TOP1: variants seen among roughly 807,000 people sequenced by gnomAD.
TOP1 encodes DNA topoisomerase 1.
In TOP1, 10 loss-of-function variants were observed where a neutral mutation model predicts 111.1. The observed-to-expected ratio is 0.09, with a 90% confidence interval of 0.06 to 0.15. The LOEUF is 0.15. Among genes scored for constraint, TOP1 ranks in the 10% least tolerant of loss-of-function variants. TOP1 has a pLI of 1.00. For synonymous variants in TOP1, 271 were observed against 302.9 expected (o/e 0.89, Z 1.10); for missense variants, 474 against 926.7 (o/e 0.51, Z 6.34).
At position 41,032,595 on chromosome 20, in the gene TOP1, G is replaced by C. The variant is rs1212160526; in HGVS notation, c.58+3140G>C. 6.6e-6 allele frequency among the ~76,000 whole-genome samples: 1 copy of C among 152,182 alleles called. No homozygotes were observed. The highest frequency in any genetic ancestry group is 1.5e-5 in the Non-Finnish European group (1 of 68,036). ...TTTGCCTGTCTGCTATGGAGATAGG[G>C]AGTTCTCCCCCATTTGACCCCCTTA... On this transcript the variant is annotated intron_variant, in intron 2 of 20. Transcript: ENST00000361337. This position sits in a 1 kb window ranked among gnomAD's most constrained non-coding sequence, Gnocchi z 4.3.
rs750868062 is a variant in TOP1, at chr20:41,112,890, C to A, written c.1417C>A (p.Arg473=). The A allele has an allele frequency of 6.2e-7, 1 of 1,614,200 alleles. No individual in the cohort carries two copies. The highest frequency in any genetic ancestry group is 8.5e-7 in the Non-Finnish European group (1 of 1,180,024). ...CTGGAAGTCCAAAGAGATGAAAGTC[C>A]GGCAGAGAGCTGTAGCCCTGTACTT... ...EDWKSKEMKV[R]QRAVALYFID... is the part of the protein sequence containing the mutation. The change falls in exon 14 of 21, where the codon CGG becomes AGG. Residue 473 remains arginine, a synonymous_variant. Transcript: ENST00000361337. This position sits in a 1 kb window ranked among gnomAD's most constrained non-coding sequence, Gnocchi z 5.8.
Position 41,115,436 on chromosome 20 carries a change from C to T in TOP1, c.1704C>T (p.Leu568=). The T allele has an allele frequency of 6.2e-7, 1 of 1,610,866 alleles. No homozygotes were observed. The highest frequency in any genetic ancestry group is 1.3e-5 in the African/African-American group (1 of 74,910). Residue 568 remains leucine, a synonymous_variant, in exon 16 of 21, where the codon CTC becomes CTT. Transcript: ENST00000361337. The surrounding 1 kb of genome is among the most constrained non-coding windows in gnomAD (Gnocchi z 6.3). ...CCGAGGATGATCTTTTTGATAGACT[C>T]AATGTGAGTAGATGAAGCACACAAT... The part of the protein sequence containing the change: ...KQPEDDLFDR[L]NTGILNKHLQ...
In TOP1 at chr20:41,118,421, T is replaced by G; in HGVS notation, c.1950+125T>G. The G allele has an allele frequency of 9.3e-7, 1 of 1,074,040 alleles. No homozygotes were observed. The highest frequency in any genetic ancestry group is 1.8e-5 in the South Asian group (1 of 57,058). 66.5% of individuals were successfully genotyped at this position (1,074,040 alleles called of 1,614,324 possible). A position where few individuals can be genotyped will look rare whatever the true frequency, so the allele number is the denominator to read the frequency against. Reference sequence around the variant, plus strand: ...TGTTGTAGAAGGTCTATGCTAAAGATAAACAAATGGAAATATGATAGTAGT... The same window carrying G: ...TGTTGTAGAAGGTCTATGCTAAAGAGAAACAAATGGAAATATGATAGTAGT... On this transcript the variant is annotated intron_variant, in intron 18 of 20. Transcript: ENST00000361337. This position sits in a 1 kb window ranked among gnomAD's most constrained non-coding sequence, Gnocchi z 4.6.
chr20:41,052,495 C>T (rs2033417796), intron 2 of TOP1, among the ~76,000 whole-genome samples: 1 of 152,130 alleles, frequency 6.6e-6, no homozygotes, highest in African/African-American at 2.4e-5. Flanking sequence ...TGACCTTGTA[C>T]TTGGTTTCCA....
At chr20:41,111,579 G>A (rs1002803457) in intron 13 of TOP1, among the ~76,000 whole-genome samples, 10 of 141,768 alleles carry the variant, frequency 7.1e-5, no homozygotes, top group South Asian at 2.2e-4. Context: ...GGCTGGTTGC[G>A]CCCCCACCCC....
rs968577482 is a variant in TOP1 at position 41,029,523 on chromosome 20, G to T, written c.58+68G>T. On this transcript the variant is annotated intron_variant, in intron 2 of 20. Transcript: ENST00000361337. The surrounding 1 kb of genome is among the most constrained non-coding windows in gnomAD (Gnocchi z 6.1). ...CGGCCGCCTCCCCCGCGCCCTGCCG[G>T]TGCCGGGCAGAGGACAGACATGGCG... 27 of 1,303,654 alleles carry T rather than the reference G, an allele frequency of 2.1e-5. No individual in the cohort carries two copies. Among genetic ancestry groups the T allele is most frequent in the Non-Finnish European group, 1.9e-5 (18 of 925,030 alleles). The allele number at this position is 1,303,654 out of a possible 1,614,324, so 80.8% of individuals were successfully genotyped here. A position where few individuals can be genotyped will look rare whatever the true frequency, so the allele number is the denominator to read the frequency against.
rs2145953406 is a variant in TOP1 at position 41,101,589 on chromosome 20, G to A, written c.1308+236G>A. Among the ~76,000 whole-genome samples the A allele has an allele frequency of 6.6e-6, 1 of 152,290 alleles. No homozygotes were observed. Among genetic ancestry groups the A allele is most frequent in the South Asian group, 2.1e-4 (1 of 4,816 alleles). ...AAATATTTACTGAAATCCCAAATGT[G>A]CCCCACACAGTATACATTTGATGCT... On this transcript the variant is annotated intron_variant, in intron 13 of 20. Transcript: ENST00000361337. This position sits in a 1 kb window ranked among gnomAD's most constrained non-coding sequence, Gnocchi z 4.1.
rs148933531 is a variant in TOP1 at position 41,052,821 on chromosome 20, T to G, written c.59-8573T>G. Among the ~76,000 whole-genome samples, 3 of 152,200 alleles carry G rather than the reference T, an allele frequency of 2.0e-5. No individual in the cohort carries two copies. The East Asian group carries it at 5.8e-4, about 29-fold the overall frequency. On this transcript the variant is annotated intron_variant, in intron 2 of 20. Transcript: ENST00000361337. ...GCCTGGTAAACATGCTGAAACCCTA[T>G]CTCTACAAAAATACAAAAATTAGCT...
At chr20:41,055,983 T>C (rs907910619) in intron 2 of TOP1, among the ~76,000 whole-genome samples, 1 of 152,194 alleles carries the variant, frequency 6.6e-6, no homozygotes, top group African/African-American at 2.4e-5. Flanking sequence ...GTTTCAAGCA[T>C]ACACATAGAG....
At position 41,080,922 on chromosome 20, in the gene TOP1, C is replaced by G. The variant is rs2033781660; in HGVS notation, c.432-243C>G. Among the ~76,000 whole-genome samples, 1 of 151,950 alleles carries G rather than the reference C, an allele frequency of 6.6e-6. No homozygotes were observed. The highest frequency in any genetic ancestry group is 2.4e-5 in the African/African-American group (1 of 41,346). On this transcript the variant is annotated intron_variant, in intron 6 of 20. Transcript: ENST00000361337. This position sits in a 1 kb window ranked among gnomAD's most constrained non-coding sequence, Gnocchi z 5.0. ...TTTATTTCTGCATATATCCCCCCAC[C>G]CTATTTTGCTTCCAGGCCGGTGTAA...
At chr20:41,065,578 T>C (rs2033597286) in intron 3 of TOP1, among the ~76,000 whole-genome samples, 1 of 152,210 alleles carries the variant, frequency 6.6e-6, no homozygotes, top group South Asian at 2.1e-4. Flanking sequence ...TTCTACTTTG[T>C]CTTTTTTTCT....
At chr20:41,056,895 A>G (rs1441097303) in intron 2 of TOP1, among the ~76,000 whole-genome samples, 1 of 152,086 alleles carries the variant, frequency 6.6e-6, no homozygotes, top group Non-Finnish European at 1.5e-5. Flanking sequence ...TTTGATTTGC[A>G]TTTTTAGACA....
chr20:41,095,361 T>A lies in TOP1; in HGVS notation c.731-1859T>A, dbSNP rs1348042482. Reference sequence around the variant, plus strand: ...ATGCTCAGCCACATTTTTTTTTAAATGGTGTTAACAGTTTACATTTTTTTC... The same window carrying A: ...ATGCTCAGCCACATTTTTTTTTAAAAGGTGTTAACAGTTTACATTTTTTTC... On this transcript the variant is annotated intron_variant, in intron 9 of 20. Coordinates refer to ENST00000361337, the MANE Select transcript of TOP1 (RefSeq NM_003286.4). This position sits in a 1 kb window ranked among gnomAD's most constrained non-coding sequence, Gnocchi z 4.6. Among the ~76,000 whole-genome samples the A allele has an allele frequency of 6.6e-6, 1 of 151,968 alleles. No homozygotes were observed. Among genetic ancestry groups the A allele is most frequent in the Admixed American group, 6.6e-5 (1 of 15,244 alleles).
rs779709460 is a variant in TOP1, at chr20:41,029,766, C to T, written c.58+311C>T. 1.5e-5 allele frequency: 7 copies of T among 467,230 alleles called. No individual in the cohort carries two copies. Among genetic ancestry groups the T allele is most frequent in the African/African-American group, 4.1e-5 (2 of 48,386 alleles). The allele number at this position is 467,230 out of a possible 1,614,324, so 28.9% of individuals were successfully genotyped here. ...GCCTTGTCGACGGTCGGGACTTAGTCTCTGCGCCATTTTCTTTTTCTCTCT... is the reference window on the plus strand; with the variant it reads ...GCCTTGTCGACGGTCGGGACTTAGTTTCTGCGCCATTTTCTTTTTCTCTCT... On this transcript the variant is annotated intron_variant, in intron 2 of 20. Coordinates refer to ENST00000361337, the MANE Select transcript of TOP1 (RefSeq NM_003286.4). The surrounding 1 kb of genome is among the most constrained non-coding windows in gnomAD (Gnocchi z 6.1).
chr20:41,084,358 A>C, intron 7 of TOP1, 104 bp from the exon 8 acceptor site: 1 of 606,230 alleles, frequency 1.6e-6, no homozygotes, highest in Non-Finnish European at 2.9e-6. Context: ...CTTTAGTTCT[A>C]ATACTCTATG....
At chr20:41,074,666 T>A (rs1057342487) in intron 3 of TOP1, among the ~76,000 whole-genome samples, 2 of 152,224 alleles carry the variant, frequency 1.3e-5, no homozygotes, top group Non-Finnish European at 2.9e-5. Flanking sequence ...TGATCTAGAT[T>A]TTGTTGCTCT....
Position 41,100,908 on chromosome 20 carries a change from G to A in TOP1, c.1164-301G>A. On this transcript the variant is annotated intron_variant, in intron 12 of 20. Coordinates refer to ENST00000361337, the MANE Select transcript of TOP1 (RefSeq NM_003286.4). The surrounding 1 kb of genome is among the most constrained non-coding windows in gnomAD (Gnocchi z 4.4). ...ATGGGCAAGTGACATATACAGCATG[G>A]TATGTTGTATATATGGTTCACGCAT... 3.1e-6 allele frequency: 1 copy of A among 318,438 alleles called. No homozygotes were observed. The highest frequency in any genetic ancestry group is 5.9e-6 in the Non-Finnish European group (1 of 168,168). 19.7% of individuals were successfully genotyped at this position (318,438 alleles called of 1,614,324 possible).
At chr20:41,037,442 A>G (rs1353247978) in intron 2 of TOP1, among the ~76,000 whole-genome samples, 1 of 152,228 alleles carries the variant, frequency 6.6e-6, no homozygotes, top group Non-Finnish European at 1.5e-5. Flanking sequence ...GAGAACTCTC[A>G]AAGCACCTGA....
chr20:41,117,507 C>T (rs1032911430), intron 17 of TOP1, among the ~76,000 whole-genome samples: 4 of 150,800 alleles, frequency 2.7e-5, no homozygotes, highest in African/African-American at 9.8e-5. Flanking sequence ...CTGCCTCAGC[C>T]TCCCGAGTAG....
Sources: gnomAD v4.1 joint callset for allele counts (sites outside exome capture counted in the v4.1 genomes callset) on GRCh38, gnomAD v4.1.1 for gene constraint, Gnocchi (gnomAD v3.1) non-coding constraint, MANE v1.5 for transcripts, NCBI Gene and HGNC (gene_info 2026-07-23, HGNC 2026-07-21) for gene names.